The following ABCG1 variants were observed in gnomAD, a reference collection of about 807,000 sequenced individuals.
ABCG1 encodes ATP binding cassette subfamily G member 1.
A neutral mutation model predicts 69.2 loss-of-function variants in ABCG1; 29 were observed. The ratio of observed to expected loss-of-function variants is 0.42; its 90% CI spans 0.31 to 0.57. The LOEUF is 0.57. Ranked by LOEUF, ABCG1 falls within the 20% of genes least tolerant of loss-of-function variation. The pLI is 0.15. For synonymous variants in ABCG1, 370 were observed against 374.8 expected (o/e 0.99, Z 0.15); for missense variants, 718 against 898.1 (o/e 0.80, Z 2.56).
rs182901773 is a variant in ABCG1, at chr21:42,240,662, G to A, written c.286+14748G>A. 2.6e-3 allele frequency among the ~76,000 whole-genome samples: 389 copies of A among 152,340 alleles called. 1 individual carries two copies. Among genetic ancestry groups the A allele is most frequent in the African/African-American group, 8.9e-3 (368 of 41,572 alleles). ...GGGGTTTCGCCATGTTGGCCAGGCC[G>A]GTCTCGAACTGCTGACCTCAGGTGA... On this transcript the variant is annotated intron_variant, in intron 2 of 14. Coordinates refer to ENST00000398449, the MANE Select transcript of ABCG1 (RefSeq NM_016818.3).
chr21:42,205,609 A>G (rs1405638096), intron 2 of ABCG1, among the ~76,000 whole-genome samples: 1 of 151,798 alleles, frequency 6.6e-6, no homozygotes, highest in Non-Finnish European at 1.5e-5. Context: ...AAAAAAAAAA[A>G]AGAAAGAAAG....
chr21:42,233,760 G>A (rs774588273), intron 2 of ABCG1, among the ~76,000 whole-genome samples: 13 of 152,262 alleles, frequency 8.5e-5, no homozygotes, highest in Non-Finnish European at 1.5e-4. Flanking sequence ...GCATCCGCAG[G>A]GTGCAGGTCA....
rs1182915791 is a variant in ABCG1, at chr21:42,296,143, A to G, written c.1773-21A>G. 1 of 1,604,456 alleles carries G rather than the reference A, an allele frequency of 6.2e-7. No homozygotes were observed. The highest frequency in any genetic ancestry group is 1.1e-5 in the South Asian group (1 of 90,870). On this transcript the variant is annotated intron_variant, in intron 14 of 14. Transcript: ENST00000398449. The surrounding 1 kb of genome is among the most constrained non-coding windows in gnomAD (Gnocchi z 5.4). ...GCTGGCTGGGAGAACGTCCTCCCTC[A>G]TGCCTGGCCTTTCCTCCTAGGTATG...
intron 2 of ABCG1, among the ~76,000 whole-genome samples, chr21:42,234,047 A>C (rs1354311153): frequency 6.6e-6 from 1 of 151,938 alleles, no homozygotes; most frequent in Non-Finnish European, 1.5e-5. Flanking sequence ...TTGTTGTTTT[A>C]ATTAAAAATA....
Position 42,296,321 on chromosome 21 carries a change from G to A in ABCG1, c.1930G>A (p.Gly644Arg), listed in dbSNP as rs760071193. ...GCTGTACCTGGACTTCATCGTACTC[G>A]GGATTTTCTTCATCTCCCTCCGCCT... ...AKLYLDFIVLGIFFISLRLIA... is the reference protein window; with the variant it reads ...AKLYLDFIVLRIFFISLRLIA... Residue 644 changes from glycine (G) to arginine (R), a missense_variant, in exon 15 of 15, where the codon GGG becomes AGG. Transcript: ENST00000398449. The surrounding 1 kb of genome is among the most constrained non-coding windows in gnomAD (Gnocchi z 5.4). The A allele has an allele frequency of 1.9e-6, 3 of 1,614,120 alleles. No individual in the cohort carries two copies. Among genetic ancestry groups the A allele is most frequent in the East Asian group, 2.2e-5 (1 of 44,878 alleles).
rs187206104 is a variant in ABCG1, at chr21:42,224,238, G to T, written c.43-1433G>T. ...ATTTGGTGTTTTTGGGGCTCTTTTG[G>T]AATCAAAGTGAGCTCTAAACACCTG... On this transcript the variant is annotated intron_variant, in intron 1 of 14. Coordinates refer to ENST00000398449, the MANE Select transcript of ABCG1 (RefSeq NM_016818.3). 1.3e-5 allele frequency among the ~76,000 whole-genome samples: 2 copies of T among 152,146 alleles called. 1 individual carries two copies. Among genetic ancestry groups the T allele is most frequent in the South Asian group, 4.2e-4 (2 of 4,818 alleles).
At chr21:42,226,592 TCA>T (rs1267611624) in intron 2 of ABCG1, among the ~76,000 whole-genome samples, 3 of 152,146 alleles carry the variant, frequency 2.0e-5, no homozygotes, top group Non-Finnish European at 4.4e-5. Flanking sequence ...CTCTAGAGTT[TCA>T]CAGTTTGTGG....
chr21:42,207,062 T>C (rs1465168410), intron 2 of ABCG1: 1 of 152,226 alleles, frequency 6.6e-6, no homozygotes, highest in Admixed American at 6.5e-5. Context: ...GACTGTAATA[T>C]GTCTTGGTAT....
In ABCG1 at chr21:42,288,369, A is replaced by G; in HGVS notation, c.1224+57A>G. On this transcript the variant is annotated intron_variant, in intron 10 of 14. Coordinates refer to ENST00000398449, the MANE Select transcript of ABCG1 (RefSeq NM_016818.3). This position sits in a 1 kb window ranked among gnomAD's most constrained non-coding sequence, Gnocchi z 4.8. ...GGGAACCCGTGGGTCATTTTCTCAGACTCGTCCTGACGGAATGTGTTCGTT... is the reference window on the plus strand; with the variant it reads ...GGGAACCCGTGGGTCATTTTCTCAGGCTCGTCCTGACGGAATGTGTTCGTT... 11 of 1,275,718 alleles carry G rather than the reference A, an allele frequency of 8.6e-6. No individual in the cohort carries two copies. The highest frequency in any genetic ancestry group is 1.1e-5 in the Non-Finnish European group (10 of 881,244). The allele number at this position is 1,275,718 out of a possible 1,614,324, so 79.0% of individuals were successfully genotyped here.
At chr21:42,235,203 G>A (rs1011781819) in intron 2 of ABCG1, among the ~76,000 whole-genome samples, 2 of 152,192 alleles carry the variant, frequency 1.3e-5, no homozygotes, top group African/African-American at 4.8e-5. Context: ...TTGCCACCCG[G>A]GGCGGCCTGC....
chr21:42,222,152 G>C (rs2067738367), intron 1 of ABCG1, among the ~76,000 whole-genome samples: 1 of 152,166 alleles, frequency 6.6e-6, no homozygotes, highest in South Asian at 2.1e-4. Context: ...AAACAGAAGA[G>C]TGAAAGGAAA....
At chr21:42,258,441 TCTTCCTCCATCC>T (rs894815458) in intron 2 of ABCG1, among the ~76,000 whole-genome samples, 8 of 141,506 alleles carry the variant, frequency 5.7e-5, no homozygotes, top group South Asian at 2.5e-4. Context: ...TCCCTCCATA[TCTTCCTCCATCC>T]CTTCCTCCAT....
At chr21:42,255,979 C>G (rs2068297618) in intron 2 of ABCG1, 1 of 355,278 alleles carries the variant, frequency 2.8e-6, no homozygotes, top group Non-Finnish European at 4.9e-6. Context: ...CTTTGTGTCC[C>G]CCAGAGTGAA....
intron 2 of ABCG1, among the ~76,000 whole-genome samples, chr21:42,261,122 C>T (rs1480328311): frequency 1.3e-5 from 2 of 152,130 alleles, no homozygotes; most frequent in Non-Finnish European, 2.9e-5. Flanking sequence ...TACCCGGCCC[C>T]TCTCTCCCGT....
In ABCG1 at chr21:42,201,873, C is replaced by T. The variant is rs535993756; in HGVS notation, c.48+150C>T. ...TCCTGCGGTGTAGTTTGGTGAGGGG[C>T]CAGCCCGAGGCAAACTGGGGACCTG... On this transcript the variant is annotated intron_variant, in intron 2 of 15. Coordinates refer to the ABCG1 transcript ENST00000398457. The T allele has an allele frequency of 4.0e-6, 6 of 1,518,180 alleles. No homozygotes were observed. The African/African-American group carries it at 6.9e-5, about 17-fold the overall frequency. The allele number at this position is 1,518,180 out of a possible 1,614,324, so 94.0% of individuals were successfully genotyped here. A position where few individuals can be genotyped will look rare whatever the true frequency, so the allele number is the denominator to read the frequency against.
chr21:42,256,695 G>A (rs1263619987), intron 2 of ABCG1: 5 of 1,432,966 alleles, frequency 3.5e-6, no homozygotes, highest in Non-Finnish European at 4.6e-6. Context: ...TGGCTTCTCT[G>A]CATTCAGAGG....
At chr21:42,216,519 G>C (rs1449484467), upstream of ABCG1, among the ~76,000 whole-genome samples, 1 of 152,116 alleles carries the variant, frequency 6.6e-6, no homozygotes, top group African/African-American at 2.4e-5. Context: ...TCAGGGTTTG[G>C]CAACCCCCTG....
At chr21:42,290,744 G>T (rs942115664) in intron 11 of ABCG1, among the ~76,000 whole-genome samples, 1 of 152,200 alleles carries the variant, frequency 6.6e-6, no homozygotes, top group African/African-American at 2.4e-5. Flanking sequence ...TCCAAGAGCA[G>T]CTTGCAGCCT....
chr21:42,251,618 TG>T (rs1301030589), intron 2 of ABCG1, among the ~76,000 whole-genome samples: 1 of 148,242 alleles, frequency 6.7e-6, no homozygotes, highest in Admixed American at 6.7e-5. Context: ...CAGACCAGCC[TG>T]GTGTGGGGGA....
Sources: gnomAD v4.1 joint callset for allele counts (sites outside exome capture counted in the v4.1 genomes callset) on GRCh38, gnomAD v4.1.1 for gene constraint, Gnocchi (gnomAD v3.1) non-coding constraint, MANE v1.5 for transcripts, NCBI Gene and HGNC (gene_info 2026-07-23, HGNC 2026-07-21) for gene names.